Variants in MRTFA observed in about 807,000 individuals in gnomAD.
The protein encoded by MRTFA is myocardin-related transcription factor A.
MRTFA carries 20 observed loss-of-function variants against 83.5 expected under a neutral mutation model. The ratio of observed to expected loss-of-function variants is 0.24; its 90% CI spans 0.17 to 0.35. MRTFA has a LOEUF of 0.35. MRTFA is among the 10% of genes least tolerant of loss of function. The pLI, the probability that MRTFA is intolerant of heterozygous loss-of-function variation, is 1.00. For missense variants in MRTFA, 1,200 were observed against 1,224.7 expected, an observed-to-expected ratio of 0.98 and a Z score of 0.30; for synonymous variants, 659 against 541.2, an observed-to-expected ratio of 1.22 and a Z score of -3.02.
At chr22:40,444,259 A>T (rs1228798250) in intron 4 of MRTFA, among the ~76,000 whole-genome samples, 2 of 152,224 alleles carry the variant, frequency 1.3e-5, no homozygotes, top group Admixed American at 6.5e-5. Flanking sequence ...GAACAACAGA[A>T]AGAAAAGAGA....
chr22:40,502,901 CG>C (rs1343000679), intron 3 of MRTFA, among the ~76,000 whole-genome samples: 1 of 152,226 alleles, frequency 6.6e-6, no homozygotes, highest in Admixed American at 6.5e-5. Context: ...TTAACTGTCA[CG>C]CTTCCAGGAA....
chr22:40,423,263 A>G (rs1031533446), intron 9 of MRTFA, among the ~76,000 whole-genome samples: 1 of 152,178 alleles, frequency 6.6e-6, no homozygotes, highest in Non-Finnish European at 1.5e-5. Context: ...TTGAGTGAAC[A>G]AGACATAATG....
At chr22:40,540,326 T>C (rs935017062) in intron 3 of MRTFA, among the ~76,000 whole-genome samples, 2 of 152,198 alleles carry the variant, frequency 1.3e-5, no homozygotes, top group Non-Finnish European at 2.9e-5. Flanking sequence ...CAACTGATTG[T>C]TATTTCTCTT....
chr22:40,496,899 G>C (rs1484554857), intron 3 of MRTFA, among the ~76,000 whole-genome samples: 1 of 152,230 alleles, frequency 6.6e-6, no homozygotes, highest in Non-Finnish European at 1.5e-5. Flanking sequence ...CTACAAAGGA[G>C]TGGCTGGAGT....
intron 3 of MRTFA, among the ~76,000 whole-genome samples, chr22:40,465,304 G>A (rs955580643): frequency 5.3e-5 from 8 of 152,128 alleles, no homozygotes; most frequent in Non-Finnish European, 1.2e-4. Flanking sequence ...TACATAGTAG[G>A]CATTCAACAA....
chr22:40,509,866 A>G (rs2054637979), intron 3 of MRTFA, among the ~76,000 whole-genome samples: 1 of 150,676 alleles, frequency 6.6e-6, no homozygotes, highest in African/African-American at 2.4e-5. Context: ...CAAGGCCATG[A>G]GGTTAAACAT....
chr22:40,411,101 CT>C lies in MRTFA; in HGVS notation c.*288del, dbSNP rs1404276384. 2.1e-5 allele frequency: 7 copies of C among 326,694 alleles called. No homozygotes were observed. In the Admixed American group the frequency reaches 2.3e-4, roughly 11 times the overall value. 20.2% of individuals were successfully genotyped at this position (326,694 alleles called of 1,614,324 possible). A position where few individuals can be genotyped will look rare whatever the true frequency, so the allele number is the denominator to read the frequency against. Reference sequence around the variant, plus strand: ...ATTGTAGCCAGACAGACAGTGCCCCCTGACCTCAAAAAAGGAGGTCAAGCTG... The same window carrying C: ...ATTGTAGCCAGACAGACAGTGCCCCCGACCTCAAAAAAGGAGGTCAAGCTG... On this transcript the variant is annotated 3_prime_UTR_variant, in exon 15 of 15. Transcript: ENST00000355630.
intron 3 of MRTFA, among the ~76,000 whole-genome samples, chr22:40,476,366 C>T (rs975301641): frequency 2.0e-5 from 3 of 152,186 alleles, no homozygotes; most frequent in Non-Finnish European, 4.4e-5. Flanking sequence ...CTCTTGCTTT[C>T]TGGTTCTTGA....
chr22:40,414,617 C>T (rs966415821), intron 14 of MRTFA, among the ~76,000 whole-genome samples: 2 of 152,104 alleles, frequency 1.3e-5, no homozygotes, highest in Non-Finnish European at 2.9e-5. Flanking sequence ...TGAAATAAGC[C>T]AGACACAGAA....
At chr22:40,543,974 T>C (rs1342398720) in intron 3 of MRTFA, among the ~76,000 whole-genome samples, 2 of 152,172 alleles carry the variant, frequency 1.3e-5, no homozygotes, top group South Asian at 2.1e-4. Flanking sequence ...AGGGCAGGAA[T>C]ACACAAATAG....
intron 3 of MRTFA, among the ~76,000 whole-genome samples, chr22:40,511,860 C>T (rs920751971): frequency 6.6e-6 from 1 of 152,200 alleles, no homozygotes. Context: ...TTTACTATGT[C>T]TTGCCTCACT....
intron 12 of MRTFA, chr22:40,417,796 C>T (rs903144025): frequency 8.5e-5 from 32 of 378,232 alleles, no homozygotes; most frequent in South Asian, 2.0e-4. Context: ...CTCAGGGACC[C>T]CTGTCTCCTA....
At chr22:40,519,491 C>T (rs1449827926) in intron 3 of MRTFA, 1 of 1,345,200 alleles carries the variant, frequency 7.4e-7, no homozygotes, top group Admixed American at 2.2e-5. Flanking sequence ...CTCATGCTTG[C>T]TTACTTCCTT....
chr22:40,584,245 A>G (rs2055991121), intron 2 of MRTFA, among the ~76,000 whole-genome samples: 1 of 152,242 alleles, frequency 6.6e-6, no homozygotes. Flanking sequence ...CTAAGAAACT[A>G]AAGCTCAGAA....
At chr22:40,425,312 G>A (rs1001724867) in intron 7 of MRTFA, among the ~76,000 whole-genome samples, 9 of 152,374 alleles carry the variant, frequency 5.9e-5, no homozygotes, top group Non-Finnish European at 8.8e-5. Flanking sequence ...AGAGGTGGGG[G>A]TGGCAGGTTC....
Position 40,430,508 on chromosome 22 carries a change from C to T in MRTFA, c.440-741G>A, listed in dbSNP as rs556095717. The stretch of plus-strand genomic sequence containing the variant: ...TCTCAAAAAAAAAAGACTAGACAAA[C>T]AATAAGTAAATATATTTATGCTGCT... On this transcript the variant is annotated intron_variant, in intron 6 of 14. Transcript: ENST00000355630. Among the ~76,000 whole-genome samples, 4 of 151,710 alleles carry T rather than the reference C, an allele frequency of 2.6e-5. No individual in the cohort carries two copies. The South Asian group carries it at 8.3e-4, about 32-fold the overall frequency.
At chr22:40,612,027 A>C (rs1356069820) in intron 1 of MRTFA, among the ~76,000 whole-genome samples, 1 of 152,252 alleles carries the variant, frequency 6.6e-6, no homozygotes, top group Non-Finnish European at 1.5e-5. Context: ...CAGAGTACAA[A>C]GGCAAAAACC....
chr22:40,585,521 T>C (rs1370949840), intron 2 of MRTFA, among the ~76,000 whole-genome samples: 1 of 152,194 alleles, frequency 6.6e-6, no homozygotes, highest in African/African-American at 2.4e-5. Context: ...TATGAATGTA[T>C]ATAATACCAC....
intron 2 of MRTFA, among the ~76,000 whole-genome samples, chr22:40,556,889 C>A (rs1387679510): frequency 6.6e-6 from 1 of 152,084 alleles, no homozygotes; most frequent in Non-Finnish European, 1.5e-5. Flanking sequence ...ATTCAAGGAC[C>A]CCTTGAGAAC....
Sources: allele counts gnomAD v4.1 joint callset (sites outside exome capture counted in the v4.1 genomes callset), GRCh38; gene constraint gnomAD v4.1.1; transcripts MANE v1.5; gene names NCBI Gene and HGNC (gene_info 2026-07-23, HGNC 2026-07-21).